The following ADGRG5 variants were observed in gnomAD, a reference collection of about 807,000 sequenced individuals.
ADGRG5 encodes the protein G protein-coupled receptor 114.
ADGRG5 carries 37 observed loss-of-function variants against 53.2 expected under a neutral mutation model. The observed-to-expected ratio is 0.70, with a 90% CI of 0.53 to 0.91. The LOEUF is 0.91. Ranked by LOEUF, ADGRG5 falls within the 40% of genes least tolerant of loss-of-function variation. The pLI is 0.00. For synonymous variants in ADGRG5, 277 were observed against 290.4 expected (o/e 0.95, Z 0.47); for missense variants, 614 against 675.8 (o/e 0.91, Z 1.01).
chr16:57,529,528 C>T, the ADGRG5 span, among the ~76,000 whole-genome samples: 1 of 152,204 alleles, frequency 6.6e-6, no homozygotes, highest in Non-Finnish European at 1.5e-5. This position sits in a 1 kb window ranked among gnomAD's most constrained non-coding sequence, Gnocchi z 4.1. Context: ...CCAATCCCTT[C>T]ACCCAGCGGC....
the ADGRG5 span, chr16:57,529,393 C>T: frequency 2.3e-6 from 1 of 427,512 alleles, no homozygotes. The surrounding 1 kb of genome is among the most constrained non-coding windows in gnomAD (Gnocchi z 4.1). Flanking sequence ...GCGCCAAGGC[C>T]CTGGCGGAGG....
chr16:57,572,502 G>C (rs1390429830), intron 10 of ADGRG5, among the ~76,000 whole-genome samples: 1 of 151,794 alleles, frequency 6.6e-6, no homozygotes, highest in Non-Finnish European at 1.5e-5. Context: ...ACACATCCTG[G>C]CCAACATGGA....
At chr16:57,535,016 C>T in the ADGRG5 span, among the ~76,000 whole-genome samples, 5 of 152,226 alleles carry the variant, frequency 3.3e-5, no homozygotes, top group Non-Finnish European at 5.9e-5. Flanking sequence ...ACCCCTTCCC[C>T]GGCTCTGAAA....
chr16:57,574,812 C>T lies in ADGRG5; in HGVS notation c.1209-3C>T, dbSNP rs751694039. 1 of 1,564,600 alleles carries T rather than the reference C, an allele frequency of 6.4e-7. No homozygotes were observed. Among genetic ancestry groups the T allele is most frequent in the Non-Finnish European group, 8.7e-7 (1 of 1,151,872 alleles). ...GAGCCTGACACGTCACCCTCCCCTG[C>T]AGATGCTGGGTGCGGAGCCCCGTGG... is the stretch of plus-strand genomic sequence containing the variant. On this transcript the variant is annotated splice_region_variant and splice_polypyrimidine_tract_variant and intron_variant, in intron 10 of 11. Coordinates refer to ENST00000349457, the MANE Select transcript of ADGRG5 (RefSeq NM_001304376.3). This position sits in a 1 kb window ranked among gnomAD's most constrained non-coding sequence, Gnocchi z 4.4.
At chr16:57,544,559 C>G (rs542136066) in intron 1 of ADGRG5, among the ~76,000 whole-genome samples, 2 of 152,272 alleles carry the variant, frequency 1.3e-5, no homozygotes, top group South Asian at 4.1e-4. Flanking sequence ...CAGTGCCTGC[C>G]TGGAACCAGT....
chr16:57,563,678 G>A (rs1235766039), intron 4 of ADGRG5, among the ~76,000 whole-genome samples, 170 bp from the exon 5 acceptor site: 3 of 152,198 alleles, frequency 2.0e-5, no homozygotes, highest in South Asian at 2.1e-4. Flanking sequence ...ACAGCATGGA[G>A]GGAAGGCCTG....
rs1264917782 is a variant in ADGRG5, at chr16:57,574,580, A to G, written c.1209-235A>G. On this transcript the variant is annotated intron_variant, in intron 10 of 11. Coordinates refer to ENST00000349457, the MANE Select transcript of ADGRG5 (RefSeq NM_001304376.3). The surrounding 1 kb of genome is among the most constrained non-coding windows in gnomAD (Gnocchi z 4.4). The stretch of plus-strand genomic sequence containing the variant: ...AAGACATGGGGACGTGAGAGAAACC[A>G]CTGTGGCTGGAAAGGTGGGCATGAG... Among the ~76,000 whole-genome samples the G allele has an allele frequency of 6.6e-6, 1 of 152,226 alleles. No individual in the cohort carries two copies. The highest frequency in any genetic ancestry group is 1.9e-4 in the East Asian group (1 of 5,200).
rs1382993718 is a variant in ADGRG5, at chr16:57,574,848, C to G, written c.1242C>G (p.Val414=). ...CWVRSPVVHS[V]LVMGYGGLTS... ...TGCGGAGCCCCGTGGTGCACAGTGTCCTGGTCATGGGCTACGGCGGCCTCA... is the reference window on the plus strand; with the variant it reads ...TGCGGAGCCCCGTGGTGCACAGTGTGCTGGTCATGGGCTACGGCGGCCTCA... The change falls in exon 11 of 12, where the codon GTC becomes GTG. Residue 414 remains valine (V), a synonymous_variant. Coordinates refer to ENST00000349457, the MANE Select transcript of ADGRG5 (RefSeq NM_001304376.3). This position sits in a 1 kb window ranked among gnomAD's most constrained non-coding sequence, Gnocchi z 4.4. 2 of 1,607,310 alleles carry G rather than the reference C, an allele frequency of 1.2e-6. No homozygotes were observed. Among genetic ancestry groups the G allele is most frequent in the Non-Finnish European group, 1.7e-6 (2 of 1,176,792 alleles).
intron 1 of ADGRG5, among the ~76,000 whole-genome samples, chr16:57,560,280 C>T (rs1432802119): frequency 1.3e-5 from 2 of 152,206 alleles, no homozygotes. Flanking sequence ...TCATGATATA[C>T]TTTCTCATTT....
Position 57,575,037 on chromosome 16 carries a change from T to C in ADGRG5, c.1431T>C (p.Phe477=). The change falls in exon 11 of 12, where the codon TTT becomes TTC. Residue 477 remains phenylalanine, a synonymous_variant. Coordinates refer to ENST00000349457, the MANE Select transcript of ADGRG5 (RefSeq NM_001304376.3). ...GTTWALAFFS[F]GVFLLPQLFL... ...CCTGGGCCTTGGCCTTCTTTTCTTT[T>C]GGCGTCTTCCTGCTGCCCCAGCTGT... is the stretch of plus-strand genomic sequence containing the variant. 6.2e-7 allele frequency: 1 copy of C among 1,614,028 alleles called. No homozygotes were observed. Among genetic ancestry groups the C allele is most frequent in the East Asian group, 2.2e-5 (1 of 44,884 alleles).
At chr16:57,537,080 T>C in the ADGRG5 span, among the ~76,000 whole-genome samples, 11 of 152,176 alleles carry the variant, frequency 7.2e-5, no homozygotes, top group Admixed American at 3.9e-4. Context: ...ACCTTGCGCT[T>C]GTTAAGAGGT....
chr16:57,564,041 T>C (rs895979724), intron 5 of ADGRG5, 62 bp downstream of exon 5: 1 of 1,560,136 alleles, frequency 6.4e-7, no homozygotes, highest in Non-Finnish European at 8.8e-7. Context: ...CCACTGCAGG[T>C]GCCCATGTCA....
intron 10 of ADGRG5, among the ~76,000 whole-genome samples, chr16:57,571,002 CAA>C (rs2146832722): frequency 6.6e-6 from 1 of 152,210 alleles, no homozygotes; most frequent in East Asian, 1.9e-4. Context: ...TTGGGGGAGA[CAA>C]AGAGAGGCAG....
chr16:57,567,654 C>G, intron 8 of ADGRG5, 63 bp downstream of exon 8: 1 of 1,574,162 alleles, frequency 6.4e-7, no homozygotes, highest in South Asian at 1.1e-5. Context: ...TCCTTGTGTC[C>G]CATTTAGTCC....
At chr16:57,570,561 G>A in intron 10 of ADGRG5, 26 bp downstream of exon 10, 1 of 1,521,942 alleles carries the variant, frequency 6.6e-7, no homozygotes. Context: ...GCTGCAGTGG[G>A]CTCCCTGGCT....
chr16:57,573,464 G>A (rs1478024668), intron 10 of ADGRG5, among the ~76,000 whole-genome samples: 4 of 150,342 alleles, frequency 2.7e-5, no homozygotes, highest in South Asian at 2.1e-4. Flanking sequence ...AGTGAGGCAT[G>A]AATTAAGCAA....
intron 1 of ADGRG5, among the ~76,000 whole-genome samples, chr16:57,547,908 T>C (rs545082235): frequency 1.5e-4 from 23 of 152,256 alleles, no homozygotes; most frequent in Non-Finnish European, 4.4e-5. Context: ...CCAACACGCC[T>C]GGCTAATTTT....
At chr16:57,575,242 A>G (rs1449589891) in intron 11 of ADGRG5, 150 bp downstream of exon 11, 9 of 1,003,468 alleles carry the variant, frequency 9.0e-6, no homozygotes, top group Non-Finnish European at 1.2e-5. Flanking sequence ...TGGGGGCTAC[A>G]TCTGCATGAA....
At chr16:57,534,912 T>G in the ADGRG5 span, among the ~76,000 whole-genome samples, 1 of 152,204 alleles carries the variant, frequency 6.6e-6, no homozygotes, top group Admixed American at 6.5e-5. Context: ...GTCCTCAGCA[T>G]GTTTGGATGG....
Sources: allele counts gnomAD v4.1 joint callset (sites outside exome capture counted in the v4.1 genomes callset), GRCh38; gene constraint gnomAD v4.1.1; non-coding constraint Gnocchi (gnomAD v3.1); transcripts MANE v1.5; gene names NCBI Gene and HGNC (gene_info 2026-07-23, HGNC 2026-07-21).